FYN: variants seen among roughly 807,000 people sequenced by gnomAD.
The protein encoded by FYN is FYN proto-oncogene, Src family tyrosine kinase.
In FYN, 10 loss-of-function variants were observed where a neutral mutation model predicts 70.2. The observed-to-expected ratio is 0.14, with a 90% confidence interval of 0.09 to 0.24. The LOEUF (loss-of-function observed/expected upper bound fraction) is 0.24, where lower values mean the gene tolerates loss of function less well. Among genes scored for constraint, FYN ranks in the 10% least tolerant of loss-of-function variants. The pLI is 1.00. For synonymous variants in FYN, 236 were observed against 248.6 expected, an observed-to-expected ratio of 0.95 and a Z score of 0.48; for missense variants, 319 against 673.1, an observed-to-expected ratio of 0.47 and a Z score of 5.82.
intron 3 of FYN, among the ~76,000 whole-genome samples, chr6:111,760,818 C>T (rs1331392075): frequency 2.6e-5 from 4 of 152,156 alleles, no homozygotes; most frequent in Non-Finnish European, 5.9e-5. Flanking sequence ...CTTTTGATTC[C>T]AGTCTCACTT....
chr6:111,706,618 C>T (rs1800105000), intron 6 of FYN, among the ~76,000 whole-genome samples: 1 of 151,914 alleles, frequency 6.6e-6, no homozygotes, highest in African/African-American at 2.4e-5. Context: ...ATGGATTGCA[C>T]CAAAACAATA....
At chr6:111,663,522 C>T (rs1797862599) in intron 13 of FYN, among the ~76,000 whole-genome samples, 1 of 152,236 alleles carries the variant, frequency 6.6e-6, no homozygotes, top group Non-Finnish European at 1.5e-5. Flanking sequence ...GCCTGTCAGT[C>T]ACATGTCTCT....
chr6:111,776,881 T>C (rs1018851793), intron 3 of FYN, among the ~76,000 whole-genome samples: 3 of 152,190 alleles, frequency 2.0e-5, no homozygotes, highest in Non-Finnish European at 4.4e-5. Context: ...GTAAACCAGA[T>C]TGTGGTGTCA....
chr6:111,684,993 G>GT (rs1311848508), intron 12 of FYN, among the ~76,000 whole-genome samples: 5 of 152,200 alleles, frequency 3.3e-5, no homozygotes, highest in Non-Finnish European at 5.9e-5. Flanking sequence ...TAAAAATTCT[G>GT]TAACTTGATT....
intron 3 of FYN, among the ~76,000 whole-genome samples, chr6:111,761,442 C>T (rs1803000904): frequency 2.6e-5 from 4 of 152,126 alleles, no homozygotes; most frequent in African/African-American, 9.7e-5. Flanking sequence ...TATACCTGCT[C>T]GTGGTCTAGT....
chr6:111,852,647 CTG>C (rs1773715611), intron 1 of FYN, among the ~76,000 whole-genome samples: 1 of 151,970 alleles, frequency 6.6e-6, no homozygotes, highest in African/African-American at 2.4e-5. Context: ...AAATACGAGA[CTG>C]TGTTGGGTGC....
At chr6:111,697,265 T>A (rs1177367465) in intron 9 of FYN, among the ~76,000 whole-genome samples, 1 of 152,242 alleles carries the variant, frequency 6.6e-6, no homozygotes, top group Non-Finnish European at 1.5e-5. Flanking sequence ...AACTGGATTA[T>A]CTTTTGGGTC....
intron 2 of FYN, among the ~76,000 whole-genome samples, chr6:111,801,268 T>C (rs1032173256): frequency 2.0e-5 from 3 of 152,192 alleles, no homozygotes; most frequent in African/African-American, 7.2e-5. Flanking sequence ...CAGCAGATTT[T>C]AGAGCACTTC....
At chr6:111,797,735 A>C (rs1771861356) in intron 2 of FYN, among the ~76,000 whole-genome samples, 3 of 140,084 alleles carry the variant, frequency 2.1e-5, no homozygotes, top group African/African-American at 2.5e-5. Flanking sequence ...CACATGACAC[A>C]CCCCTCCCAA....
intron 2 of FYN, among the ~76,000 whole-genome samples, chr6:111,798,044 T>C (rs1771873591): frequency 6.6e-6 from 1 of 152,140 alleles, no homozygotes; most frequent in African/African-American, 2.4e-5. Flanking sequence ...ATTACAGGTG[T>C]TGAGTCACCG....
intron 3 of FYN, among the ~76,000 whole-genome samples, chr6:111,737,780 C>T (rs940737894): frequency 6.6e-6 from 1 of 152,198 alleles, no homozygotes; most frequent in Non-Finnish European, 1.5e-5. Context: ...TTTCCCATGA[C>T]CAGTCCCCAT....
At chr6:111,708,122 C>T in intron 5 of FYN, 102 bp from the exon 6 acceptor site, 1 of 832,098 alleles carries the variant, frequency 1.2e-6, no homozygotes, top group Non-Finnish European at 2.0e-6. Context: ...AATCATCCTG[C>T]CACCCGATTT....
rs1186999403 is a variant in FYN, at chr6:111,715,557, ACTCT to A, written c.248-1118_248-1115del. On this transcript the variant is annotated intron_variant, in intron 4 of 13. Transcript: ENST00000354650. ...ATGGTGACTTCCGTCTTTCTAGCAGACTCTCTCTATTGCCACTTCAGCTTGTGTA... is the reference window on the plus strand; with the variant it reads ...ATGGTGACTTCCGTCTTTCTAGCAGACTCTATTGCCACTTCAGCTTGTGTA... Among the ~76,000 whole-genome samples the A allele has an allele frequency of 2.6e-5, 4 of 151,784 alleles. No individual in the cohort carries two copies. The East Asian group carries it at 7.8e-4, about 30-fold the overall frequency.
Position 111,714,346 on chromosome 6 carries a change from C to T in FYN, c.344+1G>A. The T allele has an allele frequency of 6.2e-7, 1 of 1,606,782 alleles. No homozygotes were observed. Among genetic ancestry groups the T allele is most frequent in the Non-Finnish European group, 8.5e-7 (1 of 1,173,480 alleles). ...TGCTTCTCCTCCCTCTCCAAACTTACGAGCTGTTCAATATTTGAAATTTTT... is the reference window on the plus strand; with the variant it reads ...TGCTTCTCCTCCCTCTCCAAACTTATGAGCTGTTCAATATTTGAAATTTTT... On this transcript the variant is annotated splice_donor_variant, in intron 5 of 13. Transcript: ENST00000354650. LOFTEE classifies it high-confidence loss of function.
intron 6 of FYN, among the ~76,000 whole-genome samples, chr6:111,707,459 G>A (rs760157800): frequency 4.6e-5 from 7 of 152,098 alleles, no homozygotes; most frequent in South Asian, 2.1e-4. Context: ...CACTTTTACC[G>A]GGCATAGAAG....
chr6:111,737,566 C>T (rs999807482), intron 3 of FYN, among the ~76,000 whole-genome samples: 23 of 152,204 alleles, frequency 1.5e-4, no homozygotes, highest in Admixed American at 6.5e-5. Context: ...GCTTCTGTGC[C>T]CTGCCACCCT....
chr6:111,738,210 T>C (rs964030029), intron 3 of FYN, among the ~76,000 whole-genome samples: 3 of 152,232 alleles, frequency 2.0e-5, no homozygotes, highest in African/African-American at 7.2e-5. Flanking sequence ...AAGATGTACC[T>C]ATCCCATGAG....
At chr6:111,811,424 G>A (rs1477429297) in intron 2 of FYN, among the ~76,000 whole-genome samples, 4 of 152,218 alleles carry the variant, frequency 2.6e-5, no homozygotes, top group Non-Finnish European at 4.4e-5. Flanking sequence ...TGGACAATGT[G>A]GGTCAAATGG....
chr6:111,786,974 C>T (rs1771414767), intron 2 of FYN, among the ~76,000 whole-genome samples: 1 of 152,148 alleles, frequency 6.6e-6, no homozygotes. Context: ...AGCCCTTTGT[C>T]AGATGAGTAG....
Sources: gnomAD v4.1 joint callset for allele counts (sites outside exome capture counted in the v4.1 genomes callset) on GRCh38, gnomAD v4.1.1 for gene constraint, MANE v1.5 for transcripts, NCBI Gene and HGNC (gene_info 2026-07-23, HGNC 2026-07-21) for gene names.